Variants in NPR2 observed in about 807,000 individuals in gnomAD.
The protein encoded by NPR2 is natriuretic peptide receptor 2, also known as atrial natriuretic peptide receptor 2.
A neutral mutation model predicts 120.7 loss-of-function variants in NPR2; 49 were observed. The ratio of observed to expected loss-of-function variants is 0.41; its 90% confidence interval spans 0.32 to 0.52. NPR2 has a LOEUF of 0.52. Among genes scored for constraint, NPR2 ranks in the 20% least tolerant of loss-of-function variants. NPR2 has a pLI of 0.36. For synonymous variants in NPR2, 484 were observed against 519.8 expected (o/e 0.93, Z 0.94); for missense variants, 931 against 1,362.9 (o/e 0.68, Z 4.99).
chr9:35,805,597 C>T lies in NPR2; in HGVS notation c.1974C>T (p.Leu658=), dbSNP rs1828337502. The T allele has an allele frequency of 6.2e-7, 1 of 1,614,080 alleles. No individual in the cohort carries two copies. Among genetic ancestry groups the T allele is most frequent in the African/African-American group, 1.3e-5 (1 of 74,942 alleles). Residue 658 remains leucine (L), a synonymous_variant, in exon 13 of 22, where the codon CTC becomes CTT. Transcript: ENST00000342694. The surrounding 1 kb of genome is among the most constrained non-coding windows in gnomAD (Gnocchi z 4.9). Reference sequence around the variant, plus strand: ...GTGTGGTGGATAGTCGTTTTGTGCTCAAAATCACAGACTATGGCCTGGCCA... The same window carrying T: ...GTGTGGTGGATAGTCGTTTTGTGCTTAAAATCACAGACTATGGCCTGGCCA... ...SNCVVDSRFV[L]KITDYGLASF...
rs771529504 is a variant in NPR2 at position 35,792,796 on chromosome 9, T to G, written c.388T>G (p.Ser130Ala). The change falls in exon 1 of 22, where the codon TCG (serine) becomes GCG (alanine). Residue 130 changes from serine (S) to alanine (A), a missense_variant. By Grantham distance (99) the Ser-to-Ala change is moderately conservative. Transcript: ENST00000342694. ...LTAGAVASGF[S>A]AKNDHYRTLV... ...TGCGGGTGCTGTGGCCTCTGGTTTT[T>G]CGGCTAAGAATGACCATTATCGTAC... is the stretch of plus-strand genomic sequence containing the variant. 7 of 1,614,076 alleles carry G rather than the reference T, an allele frequency of 4.3e-6. No individual in the cohort carries two copies. Among genetic ancestry groups the G allele is most frequent in the Non-Finnish European group, 5.9e-6 (7 of 1,180,026 alleles).
At chr9:35,799,810 T>C in intron 3 of NPR2, 79 bp downstream of exon 3, 1 of 1,437,274 alleles carries the variant, frequency 7.0e-7, no homozygotes, top group Non-Finnish European at 9.8e-7. Flanking sequence ...CATCAAGTCT[T>C]GGCTGTGGAG....
At chr9:35,803,905 A>C (rs1271394609) in intron 12 of NPR2, among the ~76,000 whole-genome samples, 1 of 152,260 alleles carries the variant, frequency 6.6e-6, no homozygotes, top group Non-Finnish European at 1.5e-5. Context: ...GATAAACATA[A>C]GACACGACTC....
At chr9:35,799,538 G>C (rs1471351787) in intron 2 of NPR2, 80 bp from the exon 3 acceptor site, 1 of 1,048,338 alleles carries the variant, frequency 9.5e-7, no homozygotes, top group Non-Finnish European at 1.5e-6. Context: ...ATTTTACCAA[G>C]TTTCCCTGTC....
At position 35,795,973 on chromosome 9, in the gene NPR2, C is replaced by CT. The variant is rs34349173; in HGVS notation, c.873+1875dup. Among the ~76,000 whole-genome samples, 534 of 152,276 alleles carry CT rather than the reference C, an allele frequency of 3.5e-3. 1 individual carries two copies. Among genetic ancestry groups the CT allele is most frequent in the African/African-American group, 0.011 (474 of 41,538 alleles). ...AGAGCATAACAGACTTTGTTCCTGC[C>CT]TTTTTGGAGTTTACATTTGGTAGGA... On this transcript the variant is annotated intron_variant, in intron 2 of 21. Transcript: ENST00000342694.
In NPR2 at chr9:35,805,790, C is replaced by A; in HGVS notation, c.2048-40C>A. ...GAGCCCAGGTGGGCTTGGGGGTGCC[C>A]CATTTCGGGGGACCTGGCCAGCCGG... On this transcript the variant is annotated intron_variant, in intron 13 of 21. Coordinates refer to ENST00000342694, the MANE Select transcript of NPR2 (RefSeq NM_003995.4). The surrounding 1 kb of genome is among the most constrained non-coding windows in gnomAD (Gnocchi z 4.9). 1 of 1,612,232 alleles carries A rather than the reference C, an allele frequency of 6.2e-7. No individual in the cohort carries two copies. The highest frequency in any genetic ancestry group is 1.1e-5 in the South Asian group (1 of 91,016).
chr9:35,800,574 A>T lies in NPR2; in HGVS notation c.1218+91A>T. On this transcript the variant is annotated intron_variant, in intron 5 of 21. Transcript: ENST00000342694. The surrounding 1 kb of genome is among the most constrained non-coding windows in gnomAD (Gnocchi z 4.7). ...GGGGCAGAACCAAAACTACTAGATG[A>T]GGGATTTGTTTTCTCTGCTGGCACT... 1 of 1,569,564 alleles carries T rather than the reference A, an allele frequency of 6.4e-7. No individual in the cohort carries two copies. The highest frequency in any genetic ancestry group is 8.8e-7 in the Non-Finnish European group (1 of 1,140,736).
chr9:35,795,715 G>A (rs1827926430), intron 2 of NPR2, among the ~76,000 whole-genome samples: 1 of 152,186 alleles, frequency 6.6e-6, no homozygotes, highest in Non-Finnish European at 1.5e-5. Context: ...CTTTGTCTGG[G>A]TAATGCTTCC....
At position 35,808,585 on chromosome 9, in the gene NPR2, T is replaced by G. The variant is rs1200846157; in HGVS notation, c.2789T>G (p.Ile930Ser). ...AATGGTCAACGCCATGCACCAGAAA[T>G]TGCTCGTATGGCCCTAGCATTACTA... ...GRNGQRHAPE[I>S]ARMALALLDA... Residue 930 changes from isoleucine to serine, a missense_variant, in exon 19 of 22, where the codon ATT (isoleucine) becomes AGT (serine). Transcript: ENST00000342694. The surrounding 1 kb of genome is among the most constrained non-coding windows in gnomAD (Gnocchi z 4.0). The G allele has an allele frequency of 6.2e-7, 1 of 1,614,064 alleles. No individual in the cohort carries two copies. The highest frequency in any genetic ancestry group is 1.3e-5 in the African/African-American group (1 of 74,920).
At chr9:35,798,766 A>G (rs926525723) in intron 2 of NPR2, among the ~76,000 whole-genome samples, 1 of 152,260 alleles carries the variant, frequency 6.6e-6, no homozygotes, top group Non-Finnish European at 1.5e-5. Flanking sequence ...TGGGAGGTCC[A>G]GCAGCTCAGG....
Position 35,792,789 on chromosome 9 carries a change from TG to T in NPR2, c.383del (p.Gly128ValfsTer27). ...TGCTGACTGCGGGTGCTGTGGCCTC[TG>T]GTTTTTCGGCTAAGAATGACCATTA... ...PLLTAGAVAS[G>X]FSAKNDHYRT... On this transcript the variant is annotated frameshift_variant, in exon 1 of 22. Coordinates refer to ENST00000342694, the MANE Select transcript of NPR2 (RefSeq NM_003995.4). LOFTEE classifies it high-confidence loss of function. The T allele has an allele frequency of 6.2e-7, 1 of 1,614,184 alleles. No individual in the cohort carries two copies. The highest frequency in any genetic ancestry group is 8.5e-7 in the Non-Finnish European group (1 of 1,180,030).
Position 35,792,232 on chromosome 9 carries a change from T to G in NPR2, c.-177T>G. On this transcript the variant is annotated 5_prime_UTR_variant, in exon 1 of 22. Coordinates refer to ENST00000342694, the MANE Select transcript of NPR2 (RefSeq NM_003995.4). ...ACTCCTTGCCCGCCCCCCGCCTTCCTCCCATCTCCCCCTCCTCTCCCCGGC... is the reference window on the plus strand; with the variant it reads ...ACTCCTTGCCCGCCCCCCGCCTTCCGCCCATCTCCCCCTCCTCTCCCCGGC... 9.4e-6 allele frequency: 3 copies of G among 319,116 alleles called. No homozygotes were observed. The allele number at this position is 319,116 out of a possible 1,614,324, so 19.8% of individuals were successfully genotyped here.
intron 7 of NPR2, 140 bp from the exon 8 acceptor site, chr9:35,801,503 C>G (rs1341995531): frequency 1.1e-6 from 1 of 899,508 alleles, no homozygotes; most frequent in African/African-American, 1.6e-5. Context: ...GCCGAGAATG[C>G]AGCCTTATCT....
In NPR2 at chr9:35,802,074, G is replaced by A. The variant is rs1828189134; in HGVS notation, c.1632+74G>A. 1.4e-6 allele frequency: 2 copies of A among 1,469,150 alleles called. No individual in the cohort carries two copies. Among genetic ancestry groups the A allele is most frequent in the South Asian group, 1.1e-5 (1 of 88,150 alleles). 91.0% of individuals were successfully genotyped at this position (1,469,150 alleles called of 1,614,324 possible). A position where few individuals can be genotyped will look rare whatever the true frequency, so the allele number is the denominator to read the frequency against. On this transcript the variant is annotated intron_variant, in intron 9 of 21. Transcript: ENST00000342694. The surrounding 1 kb of genome is among the most constrained non-coding windows in gnomAD (Gnocchi z 4.2). Reference sequence around the variant, plus strand: ...ATCCCCATCTGCCACCTCTGCCCCTGAACCTCTGTCCCTCATACCCGACTC... The same window carrying A: ...ATCCCCATCTGCCACCTCTGCCCCTAAACCTCTGTCCCTCATACCCGACTC...
chr9:35,801,858 C>T, intron 8 of NPR2, 68 bp from the exon 9 acceptor site: 1 of 1,600,050 alleles, frequency 6.2e-7, no homozygotes, highest in Non-Finnish European at 8.6e-7. Context: ...GTAATGATAG[C>T]CCCTGCACTA....
chr9:35,791,601 C>G lies in NPR2; in HGVS notation c.-808C>G, dbSNP rs1013278878. On this transcript the variant is annotated 5_prime_UTR_variant, in exon 1 of 22. Coordinates refer to ENST00000342694, the MANE Select transcript of NPR2 (RefSeq NM_003995.4). ...GGGCGGCCTGCCCGGGGGAGTCGCA[C>G]TCGGCCGCCGGCGCAGCGAGCGGAG... 2.8e-5 allele frequency among the ~76,000 whole-genome samples: 4 copies of G among 140,972 alleles called. No homozygotes were observed. Among genetic ancestry groups the G allele is most frequent in the African/African-American group, 1.0e-4 (4 of 38,288 alleles). The allele number at this position is 140,972 out of a possible 152,430, so 92.5% of individuals were successfully genotyped here.
chr9:35,802,757 A>G lies in NPR2; in HGVS notation c.1841A>G (p.Asn614Ser), dbSNP rs1290640402. 1.2e-6 allele frequency: 2 copies of G among 1,613,314 alleles called. No individual in the cohort carries two copies. Among genetic ancestry groups the G allele is most frequent in the Non-Finnish European group, 1.7e-6 (2 of 1,179,236 alleles). Residue 614 changes from asparagine to serine, a missense_variant, in exon 12 of 22, where the codon AAC becomes AGC. Physicochemically the swap from Asn to Ser is conservative, Grantham distance 46. Around this residue, in one of 3 missense-constraint regions of NPR2, gnomAD observed 681 missense variants for 974.3 expected, o/e 0.70. Coordinates refer to ENST00000342694, the MANE Select transcript of NPR2 (RefSeq NM_003995.4). The surrounding 1 kb of genome is among the most constrained non-coding windows in gnomAD (Gnocchi z 4.2). ...LQDILENDSI[N>S]LDWMFRYSLI... ...GATATTCTAGAAAATGACAGCATCA[A>G]CTTGGACTGGATGTTTCGTTATTCA...
In NPR2 at chr9:35,808,544, T is replaced by G. The variant is rs1209716268; in HGVS notation, c.2748T>G (p.Ser916=). The G allele has an allele frequency of 1.9e-6, 3 of 1,614,034 alleles. No homozygotes were observed. In the African/African-American group the frequency reaches 4.0e-5, roughly 22 times the overall value. The change falls in exon 19 of 22, where the codon TCT becomes TCG. Residue 916 remains serine (S), a synonymous_variant. Transcript: ENST00000342694. This position sits in a 1 kb window ranked among gnomAD's most constrained non-coding sequence, Gnocchi z 4.0. The part of the protein sequence containing the change: ...ETIGDAYMVV[S]GLPGRNGQRH... ...TTGGGGATGCTTACATGGTGGTATC[T>G]GGCCTCCCAGGCCGAAATGGTCAAC... is the stretch of plus-strand genomic sequence containing the variant.
At position 35,808,511 on chromosome 9, in the gene NPR2, G is replaced by A. The variant is rs746005628; in HGVS notation, c.2715G>A (p.Val905=). 17 of 1,613,930 alleles carry A rather than the reference G, an allele frequency of 1.1e-5. No homozygotes were observed. The highest frequency in any genetic ancestry group is 1.4e-5 in the Non-Finnish European group (17 of 1,179,952). The stretch of plus-strand genomic sequence containing the variant: ...CTTTTAATCCCCCTCTCAATCAGGT[G>A]GAGACGATTGGGGATGCTTACATGG... ...AIIDNFDVYK[V]ETIGDAYMVV... is the part of the protein sequence containing the mutation. The change falls in exon 19 of 22, where the codon GTG becomes GTA. Residue 905 remains valine (V), a splice_region_variant and synonymous_variant. Coordinates refer to ENST00000342694, the MANE Select transcript of NPR2 (RefSeq NM_003995.4). This position sits in a 1 kb window ranked among gnomAD's most constrained non-coding sequence, Gnocchi z 4.0.
Sources: gnomAD v4.1 joint callset for allele counts (sites outside exome capture counted in the v4.1 genomes callset) on GRCh38, gnomAD v4.1.1 for gene constraint, gnomAD v4.1.1 regional missense constraint, Gnocchi (gnomAD v3.1) non-coding constraint, MANE v1.5 for transcripts, NCBI Gene and HGNC (gene_info 2026-07-23, HGNC 2026-07-21) for gene names.